Variants in LRRC28 observed in about 807,000 individuals in gnomAD.
LRRC28 encodes the protein leucine rich repeat containing 28.
LRRC28 carries 39 observed loss-of-function variants against 45.7 expected under a neutral mutation model. That is an observed-to-expected ratio of 0.85 (90% CI 0.66 to 1.12). LRRC28 has a LOEUF of 1.12. Among genes scored for constraint, LRRC28 ranks in the 50% most tolerant of loss-of-function variants. LRRC28 has a pLI of 0.00. For missense variants in LRRC28, 435 were observed against 438.5 expected (o/e 0.99, Z 0.07); for synonymous variants, 206 against 178.8 (o/e 1.15, Z -1.22).
chr15:99,285,327 C>T, intron 3 of LRRC28: 1 of 741,038 alleles, frequency 1.3e-6, no homozygotes, highest in South Asian at 1.4e-5. Context: ...GTCTTTAGTC[C>T]CACAACTCTT....
At chr15:99,368,462 C>T (rs61635329) in intron 9 of LRRC28, among the ~76,000 whole-genome samples, 30,489 of 152,176 alleles carry the variant, frequency 0.2, 3,802 homozygotes, top group Middle Eastern at 0.4. Flanking sequence ...TTTGGCTCCA[C>T]ACTCTGTTCT....
chr15:99,312,842 G>A (rs62023806), intron 5 of LRRC28, among the ~76,000 whole-genome samples: 22,281 of 152,140 alleles, frequency 0.15, 1,675 homozygotes, highest in Non-Finnish European at 0.17. Context: ...GTTCATGACT[G>A]TATGAGATAA....
Position 99,358,790 on chromosome 15 carries a change from C to T in LRRC28, c.696-2546C>T, listed in dbSNP as rs575081931. On this transcript the variant is annotated intron_variant, in intron 7 of 9. Transcript: ENST00000301981. ...AAGACAAATAGATAAAACATCTACA[C>T]GTAAAGGCCAGGTGCGGTGGTTCAT... 8.6e-5 allele frequency among the ~76,000 whole-genome samples: 13 copies of T among 152,032 alleles called. No individual in the cohort carries two copies. The East Asian group carries it at 1.2e-3, about 14-fold the overall frequency.
chr15:99,367,256 G>C (rs1053300965), intron 9 of LRRC28, among the ~76,000 whole-genome samples: 4 of 152,180 alleles, frequency 2.6e-5, no homozygotes, highest in Non-Finnish European at 5.9e-5. Context: ...ATGGAAACAC[G>C]TAACTGTTTT....
chr15:99,296,714 T>C (rs539789109), intron 5 of LRRC28, among the ~76,000 whole-genome samples: 19 of 152,326 alleles, frequency 1.2e-4, no homozygotes, highest in South Asian at 1.0e-3. Flanking sequence ...TATTTACTGC[T>C]GCAAAGTATG....
intron 6 of LRRC28, among the ~76,000 whole-genome samples, chr15:99,341,615 T>A (rs1028391679): frequency 6.6e-6 from 1 of 152,042 alleles, no homozygotes; most frequent in Non-Finnish European, 1.5e-5. Flanking sequence ...TGGAGTAGGA[T>A]TTAGGGGGTG....
intron 3 of LRRC28, among the ~76,000 whole-genome samples, chr15:99,279,114 C>T (rs1403327409): frequency 6.6e-6 from 1 of 152,158 alleles, no homozygotes. Context: ...TATGGATACA[C>T]GTTTTTCTGG....
intron 2 of LRRC28, 72 bp downstream of exon 2, chr15:99,256,197 C>T (rs1480450381): frequency 2.4e-6 from 3 of 1,273,348 alleles, no homozygotes; most frequent in Non-Finnish European, 3.2e-6. Context: ...TTTACATACC[C>T]TAAGGTATTC....
intron 7 of LRRC28, among the ~76,000 whole-genome samples, chr15:99,355,007 A>G (rs1019695291): frequency 2.6e-5 from 4 of 152,258 alleles, no homozygotes; most frequent in African/African-American, 9.6e-5. Flanking sequence ...TTTATCTCAG[A>G]TTCACATCTC....
chr15:99,254,579 C>T (rs1463597188), intron 1 of LRRC28, among the ~76,000 whole-genome samples: 1 of 152,198 alleles, frequency 6.6e-6, no homozygotes, highest in Admixed American at 6.5e-5. Context: ...GTTGTTTCAG[C>T]ATTTCCTTAG....
intron 7 of LRRC28, among the ~76,000 whole-genome samples, chr15:99,354,993 C>T (rs543440506): frequency 2.0e-5 from 3 of 152,094 alleles, no homozygotes; most frequent in Admixed American, 6.5e-5. Context: ...GAGATATATA[C>T]GTATTTATCT....
intron 5 of LRRC28, among the ~76,000 whole-genome samples, chr15:99,312,891 G>C (rs1467921434): frequency 1.3e-5 from 2 of 152,092 alleles, no homozygotes; most frequent in African/African-American, 4.8e-5. Context: ...AAAGACATGA[G>C]GCGTAATTTT....
In LRRC28 at chr15:99,389,458, A is replaced by G. The variant is rs1958121441; in HGVS notation, c.*3356A>G. 6.6e-6 allele frequency: 1 copy of G among 152,208 alleles called. No individual in the cohort carries two copies. The highest frequency in any genetic ancestry group is 2.1e-4 in the South Asian group (1 of 4,832). The allele number at this position is 152,208 out of a possible 1,614,324, so 9.4% of individuals were successfully genotyped here. ...CCTGAATGAAAAATCAGAAATTCTA[A>G]TCTTTGCTATAAAGTACTTAAACAC... On this transcript the variant is annotated 3_prime_UTR_variant, in exon 10 of 10. Transcript: ENST00000301981.
intron 3 of LRRC28, chr15:99,285,328 C>T: frequency 1.3e-6 from 1 of 741,182 alleles, no homozygotes. Flanking sequence ...TCTTTAGTCC[C>T]ACAACTCTTC....
intron 5 of LRRC28, among the ~76,000 whole-genome samples, chr15:99,299,001 G>C (rs6598236): frequency 1.3e-5 from 2 of 152,062 alleles, no homozygotes; most frequent in Non-Finnish European, 2.9e-5. Flanking sequence ...GAGCCATTTC[G>C]CCTGGCTTTG....
At chr15:99,341,277 G>A (rs1242793704) in intron 6 of LRRC28, among the ~76,000 whole-genome samples, 2 of 151,918 alleles carry the variant, frequency 1.3e-5, no homozygotes, top group African/African-American at 4.8e-5. Context: ...TTTTAATAGA[G>A]ATGGGGATTT....
chr15:99,352,497 T>TA, intron 7 of LRRC28, 26 bp downstream of exon 7: 1 of 1,554,458 alleles, frequency 6.4e-7, no homozygotes, highest in Non-Finnish European at 8.8e-7. Context: ...CATTTTGAAC[T>TA]AAAAAATAGA....
At chr15:99,277,022 G>C (rs954217074) in intron 3 of LRRC28, among the ~76,000 whole-genome samples, 1 of 151,834 alleles carries the variant, frequency 6.6e-6, no homozygotes, top group African/African-American at 2.4e-5. Context: ...CATCCTCCAC[G>C]CTTCATTTGT....
intron 5 of LRRC28, among the ~76,000 whole-genome samples, chr15:99,293,560 TC>T (rs1488602439): frequency 9.0e-6 from 1 of 110,896 alleles, no homozygotes; most frequent in Non-Finnish European, 1.7e-5. Context: ...GCCGTTGCAT[TC>T]CGGCCTGGGC....
Sources: gnomAD v4.1 joint callset for allele counts (sites outside exome capture counted in the v4.1 genomes callset) on GRCh38, gnomAD v4.1.1 for gene constraint, MANE v1.5 for transcripts, NCBI Gene and HGNC (gene_info 2026-07-23, HGNC 2026-07-21) for gene names.